Variants in RALGAPA2 observed in about 807,000 individuals in gnomAD.
RALGAPA2 encodes the protein ral GTPase-activating protein subunit alpha-2.
A neutral mutation model predicts 230.4 loss-of-function variants in RALGAPA2; 139 were observed. The ratio of observed to expected loss-of-function variants is 0.60; its 90% CI spans 0.53 to 0.69. The LOEUF (loss-of-function observed/expected upper bound fraction) is 0.69, where lower values mean the gene tolerates loss of function less well. Ranked by LOEUF, RALGAPA2 falls within the 30% of genes least tolerant of loss-of-function variation. The pLI is 0.00. For missense variants in RALGAPA2, 2,163 were observed against 2,276.0 expected (o/e 0.95, Z 1.01); for synonymous variants, 847 against 837.8 (o/e 1.01, Z -0.19).
intron 5 of RALGAPA2, among the ~76,000 whole-genome samples, chr20:20,641,777 C>G (rs2067038158): frequency 6.6e-6 from 1 of 151,946 alleles, no homozygotes; most frequent in Admixed American, 6.6e-5. Context: ...TCAATTAATT[C>G]AAGGTGGTGC....
chr20:20,478,149 T>C (rs979534565), intron 36 of RALGAPA2, among the ~76,000 whole-genome samples: 1 of 152,144 alleles, frequency 6.6e-6, no homozygotes, highest in African/African-American at 2.4e-5. Flanking sequence ...AATTAAGAAA[T>C]ACACTTCTAA....
At chr20:20,428,432 G>A (rs1000961148) in intron 37 of RALGAPA2, among the ~76,000 whole-genome samples, 11 of 152,120 alleles carry the variant, frequency 7.2e-5, no homozygotes, top group African/African-American at 2.2e-4. Flanking sequence ...AATTCGGTAC[G>A]TCTTTTCTTG....
chr20:20,524,707 G>A, intron 29 of RALGAPA2, 123 bp downstream of exon 29: 1 of 1,287,470 alleles, frequency 7.8e-7, no homozygotes, highest in South Asian at 1.5e-5. Context: ...TCACAAAAAA[G>A]ACTGTTAAGG....
chr20:20,454,754 G>A (rs1232614179), intron 37 of RALGAPA2, among the ~76,000 whole-genome samples: 3 of 152,182 alleles, frequency 2.0e-5, no homozygotes, highest in Non-Finnish European at 4.4e-5. Flanking sequence ...TTCAAAGACG[G>A]TAGTGACATC....
chr20:20,585,085 C>T lies in RALGAPA2; in HGVS notation c.2440-130G>A, dbSNP rs1013333474. On this transcript the variant is annotated intron_variant, in intron 18 of 39. Transcript: ENST00000202677. ...AATAGCTAAATAAATTGATGTTTTC[C>T]ATTTGAAGGATATGTTTTCACAAAT... 3 of 530,666 alleles carry T rather than the reference C, an allele frequency of 5.7e-6. No individual in the cohort carries two copies. In the African/African-American group the frequency reaches 5.8e-5, roughly 10 times the overall value. 32.9% of individuals were successfully genotyped at this position (530,666 alleles called of 1,614,324 possible). A position where few individuals can be genotyped will look rare whatever the true frequency, so the allele number is the denominator to read the frequency against.
At chr20:20,588,161 AC>A (rs2065185514) in intron 18 of RALGAPA2, among the ~76,000 whole-genome samples, 1 of 152,206 alleles carries the variant, frequency 6.6e-6, no homozygotes, top group Non-Finnish European at 1.5e-5. Flanking sequence ...AGATGCTGAA[AC>A]ACATACAAGA....
At chr20:20,445,856 A>T (rs1040276059) in intron 37 of RALGAPA2, among the ~76,000 whole-genome samples, 1 of 152,240 alleles carries the variant, frequency 6.6e-6, no homozygotes, top group Non-Finnish European at 1.5e-5. Flanking sequence ...AGAAGCTGTA[A>T]GATTTGAACT....
chr20:20,422,550 G>A (rs1056414650), intron 37 of RALGAPA2, among the ~76,000 whole-genome samples: 10 of 152,062 alleles, frequency 6.6e-5, no homozygotes, highest in Admixed American at 5.9e-4. Context: ...CAGTCTGGGC[G>A]ACAGAATGAG....
At chr20:20,587,525 A>G (rs529022771) in intron 18 of RALGAPA2, among the ~76,000 whole-genome samples, 4 of 152,152 alleles carry the variant, frequency 2.6e-5, no homozygotes, top group African/African-American at 4.8e-5. Context: ...TCAATTCCAA[A>G]TATATAAAAG....
chr20:20,591,388 G>T (rs530489204), intron 16 of RALGAPA2, 74 bp from the exon 17 acceptor site: 272 of 1,447,372 alleles, frequency 1.9e-4, no homozygotes, highest in Non-Finnish European at 2.5e-4. Flanking sequence ...TAAAACAACC[G>T]ATTTAAAAAA....
intron 26 of RALGAPA2, among the ~76,000 whole-genome samples, chr20:20,533,928 G>A (rs1366044871): frequency 6.6e-6 from 1 of 151,982 alleles, no homozygotes; most frequent in Non-Finnish European, 1.5e-5. Flanking sequence ...TAACCTTAAA[G>A]GTAAGATTGT....
At chr20:20,505,968 T>C (rs2062521664) in intron 33 of RALGAPA2, among the ~76,000 whole-genome samples, 1 of 152,236 alleles carries the variant, frequency 6.6e-6, no homozygotes, top group South Asian at 2.1e-4. Flanking sequence ...AATAGATCTA[T>C]GTGACTGTCC....
At chr20:20,613,609 CT>C (rs2066040694) in intron 13 of RALGAPA2, among the ~76,000 whole-genome samples, 1 of 152,206 alleles carries the variant, frequency 6.6e-6, no homozygotes, top group Non-Finnish European at 1.5e-5. Context: ...GGCCTGCCCC[CT>C]GCCTCCTCCC....
chr20:20,495,633 T>C (rs2062184486), intron 35 of RALGAPA2, among the ~76,000 whole-genome samples: 1 of 152,232 alleles, frequency 6.6e-6, no homozygotes, highest in Non-Finnish European at 1.5e-5. Context: ...CACGTGTCTT[T>C]TATTCCACAT....
chr20:20,643,435 A>G (rs1246785448), intron 5 of RALGAPA2, 71 bp downstream of exon 5: 2 of 1,364,614 alleles, frequency 1.5e-6, no homozygotes, highest in Non-Finnish European at 2.0e-6. Context: ...AAAATGCCCT[A>G]ACATTGTTAC....
At chr20:20,589,886 A>C (rs1369198126) in intron 17 of RALGAPA2, among the ~76,000 whole-genome samples, 2 of 152,180 alleles carry the variant, frequency 1.3e-5, no homozygotes, top group East Asian at 3.9e-4. Context: ...AAATTTGAAA[A>C]AAAAAAAAAA....
rs1352831449 is a variant in RALGAPA2 at position 20,512,765 on chromosome 20, AG to A, written c.4603del (p.Leu1535PhefsTer6). The part of the protein sequence containing the change: ...ENIGHTSPEC[L>X]LPSQLNLNEP... The stretch of plus-strand genomic sequence containing the variant: ...ATTTAGATTTAGCTGTGACGGTAAA[AG>A]GCATTCAGGACTTGTATGGCCAATG... On this transcript the variant is annotated frameshift_variant, in exon 32 of 40. Transcript: ENST00000202677. LOFTEE classifies it high-confidence loss of function. The A allele has an allele frequency of 6.2e-7, 1 of 1,613,832 alleles. No homozygotes were observed. Among genetic ancestry groups the A allele is most frequent in the Non-Finnish European group, 8.5e-7 (1 of 1,179,734 alleles).
chr20:20,534,337 C>A (rs181285502), intron 26 of RALGAPA2, among the ~76,000 whole-genome samples: 2 of 151,270 alleles, frequency 1.3e-5, no homozygotes, highest in African/African-American at 4.9e-5. Context: ...CCCAGCTACT[C>A]GGGAGGCTGA....
Position 20,629,353 on chromosome 20 carries a change from ACAC to A in RALGAPA2, c.1233+7_1233+9del. The A allele has an allele frequency of 6.7e-7, 1 of 1,494,822 alleles. No homozygotes were observed. The highest frequency in any genetic ancestry group is 9.1e-7 in the Non-Finnish European group (1 of 1,092,988). The allele number at this position is 1,494,822 out of a possible 1,614,324, so 92.6% of individuals were successfully genotyped here. A position where few individuals can be genotyped will look rare whatever the true frequency, so the allele number is the denominator to read the frequency against. On this transcript the variant is annotated splice_region_variant and intron_variant, in intron 10 of 39. Coordinates refer to ENST00000202677, the MANE Select transcript of RALGAPA2 (RefSeq NM_020343.4). ...CACACACACACACACACACACACAC[ACAC>A]ACTAACCTGGTGAAATACTTCATTC... is the stretch of plus-strand genomic sequence containing the variant.
Sources: gnomAD v4.1 joint callset for allele counts (sites outside exome capture counted in the v4.1 genomes callset) on GRCh38, gnomAD v4.1.1 for gene constraint, MANE v1.5 for transcripts, NCBI Gene and HGNC (gene_info 2026-07-23, HGNC 2026-07-21) for gene names.